The following MROH9 variants were observed in gnomAD, a reference collection of about 807,000 sequenced individuals.
The protein encoded by MROH9 is maestro heat-like repeat-containing protein family member 9.
MROH9 carries 92 observed loss-of-function variants against 98.2 expected under a neutral mutation model. The ratio of observed to expected loss-of-function variants is 0.94; its 90% CI spans 0.79 to 1.11. The LOEUF (loss-of-function observed/expected upper bound fraction) is 1.11, where lower values mean the gene tolerates loss of function less well. Among genes scored for constraint, MROH9 ranks in the 50% most tolerant of loss-of-function variants. The pLI is 0.00. For synonymous variants in MROH9, 397 were observed against 368.9 expected, an observed-to-expected ratio of 1.08 and a Z score of -0.87; for missense variants, 1,057 against 1,014.8, an observed-to-expected ratio of 1.04 and a Z score of -0.57.
intron 10 of MROH9, among the ~76,000 whole-genome samples, chr1:170,988,248 T>C (rs1651225044): frequency 6.6e-6 from 1 of 152,178 alleles, no homozygotes; most frequent in Non-Finnish European, 1.5e-5. Context: ...TTCCCTCTCC[T>C]GACACAGGAG....
intron 20 of MROH9, among the ~76,000 whole-genome samples, chr1:171,059,519 C>T (rs2101876337): frequency 6.6e-6 from 1 of 152,258 alleles, no homozygotes; most frequent in Middle Eastern, 3.4e-3. Flanking sequence ...TACCACTTGA[C>T]CCAGCAATCC....
chr1:170,995,263 C>A, intron 12 of MROH9, 126 bp from the exon 13 acceptor site: 1 of 969,266 alleles, frequency 1.0e-6, no homozygotes, highest in Non-Finnish European at 1.6e-6. Flanking sequence ...CCCATATGTG[C>A]TTTAGGTTTT....
chr1:170,937,678 C>A (rs946875914), intron 1 of MROH9, among the ~76,000 whole-genome samples: 3 of 151,426 alleles, frequency 2.0e-5, no homozygotes, highest in Non-Finnish European at 4.4e-5. Flanking sequence ...CCCGCCACTA[C>A]GCCCGGCTAA....
chr1:170,953,859 GAA>G (rs1170576367), intron 3 of MROH9, among the ~76,000 whole-genome samples: 16 of 84,620 alleles, frequency 1.9e-4, no homozygotes, highest in African/African-American at 4.5e-4. Flanking sequence ...GAAAGAGAAA[GAA>G]AGAGAGAGAG....
At chr1:171,017,312 G>A (rs1445376030) in intron 17 of MROH9, among the ~76,000 whole-genome samples, 1 of 152,214 alleles carries the variant, frequency 6.6e-6, no homozygotes, top group Non-Finnish European at 1.5e-5. Flanking sequence ...GCAGAGCAGT[G>A]TGGTGTGGAG....
At chr1:171,024,184 T>C (rs1652619358) in intron 17 of MROH9, among the ~76,000 whole-genome samples, 1 of 152,162 alleles carries the variant, frequency 6.6e-6, no homozygotes, top group East Asian at 1.9e-4. Flanking sequence ...CAAATATTAT[T>C]TTAAAATTAA....
chr1:171,008,968 TA>T (rs1033179027), intron 15 of MROH9, among the ~76,000 whole-genome samples: 1 of 151,080 alleles, frequency 6.6e-6, no homozygotes, highest in African/African-American at 2.4e-5. Context: ...ATGCACACAC[TA>T]AATACATGTT....
chr1:171,041,626 A>C (rs1413725435), intron 20 of MROH9, among the ~76,000 whole-genome samples: 2 of 151,766 alleles, frequency 1.3e-5, no homozygotes, highest in African/African-American at 4.8e-5. Flanking sequence ...TTCTATTTTT[A>C]ATTATTTGAG....
intron 8 of MROH9, among the ~76,000 whole-genome samples, chr1:170,972,947 A>G (rs2101787148): frequency 6.6e-6 from 1 of 151,746 alleles, no homozygotes; most frequent in East Asian, 1.9e-4. Context: ...TGGGGTTTGT[A>G]ATTGCCTGAG....
intron 11 of MROH9, among the ~76,000 whole-genome samples, chr1:170,991,822 A>C (rs1187082069): frequency 1.3e-5 from 2 of 152,160 alleles, no homozygotes; most frequent in African/African-American, 4.8e-5. Flanking sequence ...CTGAACAAAC[A>C]AAGTCACAAG....
At chr1:170,940,930 C>G (rs140185365) in intron 1 of MROH9, among the ~76,000 whole-genome samples, 2 of 152,170 alleles carry the variant, frequency 1.3e-5, no homozygotes, top group Non-Finnish European at 2.9e-5. Context: ...AACCAGTATG[C>G]GGATTCCACT....
intron 17 of MROH9, among the ~76,000 whole-genome samples, chr1:171,017,491 C>G (rs1200663234): frequency 6.6e-6 from 1 of 152,222 alleles, no homozygotes; most frequent in Non-Finnish European, 1.5e-5. Context: ...CACAGATTCT[C>G]AACAGCCACT....
intron 20 of MROH9, among the ~76,000 whole-genome samples, chr1:171,044,116 G>A (rs909159136): frequency 2.0e-5 from 3 of 152,056 alleles, no homozygotes; most frequent in Non-Finnish European, 2.9e-5. Flanking sequence ...GTCATATATG[G>A]TTTTTATTAT....
chr1:170,958,443 T>C lies in MROH9; in HGVS notation c.73-18T>C. 6.8e-7 allele frequency: 1 copy of C among 1,471,084 alleles called. No homozygotes were observed. Among genetic ancestry groups the C allele is most frequent in the Non-Finnish European group, 9.3e-7 (1 of 1,074,256 alleles). 91.1% of individuals were successfully genotyped at this position (1,471,084 alleles called of 1,614,324 possible). A position where few individuals can be genotyped will look rare whatever the true frequency, so the allele number is the denominator to read the frequency against. On this transcript the variant is annotated intron_variant, in intron 3 of 21. Coordinates refer to ENST00000367759, the MANE Select transcript of MROH9 (RefSeq NM_001163629.2). Reference sequence around the variant, plus strand: ...CATTAATTCTTCTTTTTTTTTTTTTTTTTAACATGGTACTTAGGCACATAA... The same window carrying C: ...CATTAATTCTTCTTTTTTTTTTTTTCTTTAACATGGTACTTAGGCACATAA...
chr1:171,040,118 C>T (rs1471753897), intron 20 of MROH9, among the ~76,000 whole-genome samples: 3 of 151,970 alleles, frequency 2.0e-5, no homozygotes, highest in African/African-American at 7.2e-5. Flanking sequence ...CAGAAACATA[C>T]TGCATAATCT....
intron 20 of MROH9, among the ~76,000 whole-genome samples, chr1:171,025,753 AC>A (rs1652688051): frequency 6.6e-6 from 1 of 152,186 alleles, no homozygotes; most frequent in Non-Finnish European, 1.5e-5. Flanking sequence ...ATATATAAAA[AC>A]ATCATCTTCG....
At chr1:171,051,720 CT>C (rs1653669971) in intron 20 of MROH9, among the ~76,000 whole-genome samples, 1 of 152,160 alleles carries the variant, frequency 6.6e-6, no homozygotes, top group Non-Finnish European at 1.5e-5. Flanking sequence ...CCTGCACATC[CT>C]GCACATGTAT....
intron 20 of MROH9, among the ~76,000 whole-genome samples, chr1:171,061,752 T>A (rs1268909247): frequency 6.6e-6 from 1 of 152,180 alleles, no homozygotes; most frequent in Non-Finnish European, 1.5e-5. Context: ...CATGGTTGAA[T>A]CTTAAAAGGT....
intron 20 of MROH9, among the ~76,000 whole-genome samples, chr1:171,034,686 T>A (rs1354494341): frequency 6.6e-6 from 1 of 152,208 alleles, no homozygotes; most frequent in East Asian, 1.9e-4. Context: ...TACTATCAGA[T>A]AATTTCATAG....
Sources: allele counts gnomAD v4.1 joint callset (sites outside exome capture counted in the v4.1 genomes callset), GRCh38; gene constraint gnomAD v4.1.1; transcripts MANE v1.5; gene names NCBI Gene and HGNC (gene_info 2026-07-23, HGNC 2026-07-21).